Variants in YEATS4 observed in about 807,000 individuals in gnomAD.
The protein encoded by YEATS4 is YEATS domain containing 4.
YEATS4 carries 17 observed loss-of-function variants against 30.1 expected under a neutral mutation model. The observed-to-expected ratio is 0.56, with a 90% CI of 0.39 to 0.85. The LOEUF (loss-of-function observed/expected upper bound fraction) is 0.85. YEATS4 is among the 40% of genes least tolerant of loss of function. The pLI, the probability that YEATS4 is intolerant of heterozygous loss-of-function variation, is 0.00. For synonymous variants in YEATS4, 85 were observed against 87.5 expected (o/e 0.97, Z 0.16); for missense variants, 142 against 268.3 (o/e 0.53, Z 3.29).
At chr12:69,381,106 TAGGC>T (rs1876057927) in intron 6 of YEATS4, among the ~76,000 whole-genome samples, 1 of 152,158 alleles carries the variant, frequency 6.6e-6, no homozygotes. Flanking sequence ...CGAAATTTAT[TAGGC>T]AGGAATTTCC....
At chr12:69,399,906 A>T in the YEATS4 span, among the ~76,000 whole-genome samples, 21 of 152,228 alleles carry the variant, frequency 1.4e-4, no homozygotes, top group Admixed American at 1.3e-3. Flanking sequence ...CTCCACTTAT[A>T]TGAAACATCC....
chr12:69,419,116 C>T, the YEATS4 span, among the ~76,000 whole-genome samples: 2 of 150,122 alleles, frequency 1.3e-5, no homozygotes, highest in South Asian at 2.1e-4. Flanking sequence ...ATCCAAATGT[C>T]ACCTCCTCTG....
intron 1 of YEATS4, 123 bp from the exon 2 acceptor site, chr12:69,362,665 A>G (rs1023554581): frequency 3.0e-6 from 2 of 668,422 alleles, no homozygotes; most frequent in South Asian, 3.6e-5. Flanking sequence ...AGAGAAATCC[A>G]TATTATAAGC....
the YEATS4 span, among the ~76,000 whole-genome samples, chr12:69,399,226 A>G: frequency 2.6e-5 from 4 of 152,044 alleles, no homozygotes; most frequent in African/African-American, 9.7e-5. Context: ...AAAAAAAACA[A>G]ACCCACGAAA....
Position 69,359,757 on chromosome 12 carries a change from TTCTCCA to T in YEATS4, c.-215_-210del, listed in dbSNP as rs1347601941. 1 of 565,194 alleles carries T rather than the reference TTCTCCA, an allele frequency of 1.8e-6. No individual in the cohort carries two copies. The highest frequency in any genetic ancestry group is 1.9e-5 in the African/African-American group (1 of 51,562). 35.0% of individuals were successfully genotyped at this position (565,194 alleles called of 1,614,324 possible). A position where few individuals can be genotyped will look rare whatever the true frequency, so the allele number is the denominator to read the frequency against. Reference sequence around the variant, plus strand: ...GGCCGTCGCCCCTCTTTTCGCGGCGTTCTCCACCTGCGCGGGCCTGAATGGCCTTCA... The same window carrying T: ...GGCCGTCGCCCCTCTTTTCGCGGCGTCCTGCGCGGGCCTGAATGGCCTTCA... On this transcript the variant is annotated 5_prime_UTR_variant, in exon 1 of 7. Coordinates refer to ENST00000247843, the MANE Select transcript of YEATS4 (RefSeq NM_006530.4).
At chr12:69,402,428 G>A in the YEATS4 span, among the ~76,000 whole-genome samples, 4 of 152,288 alleles carry the variant, frequency 2.6e-5, no homozygotes, top group Middle Eastern at 6.8e-3. Context: ...GAGGTTTGGT[G>A]ACCATAACTA....
chr12:69,370,653 C>T (rs1875602515), intron 4 of YEATS4, 53 bp from the exon 5 acceptor site: 1 of 1,410,836 alleles, frequency 7.1e-7, no homozygotes, highest in African/African-American at 1.5e-5. Context: ...ATGCCAGTAT[C>T]TTATGATGAT....
At chr12:69,387,095 G>T (rs895274712) in intron 6 of YEATS4, among the ~76,000 whole-genome samples, 2 of 151,996 alleles carry the variant, frequency 1.3e-5, no homozygotes, top group African/African-American at 4.8e-5. Context: ...ATGAAACCAT[G>T]GATGAGGGGG....
chr12:69,407,936 G>A, the YEATS4 span, among the ~76,000 whole-genome samples: 3 of 151,934 alleles, frequency 2.0e-5, no homozygotes, highest in African/African-American at 4.8e-5. Flanking sequence ...GGCTGGTCTC[G>A]AACTCCCGAC....
At chr12:69,400,064 C>T in the YEATS4 span, among the ~76,000 whole-genome samples, 2 of 151,992 alleles carry the variant, frequency 1.3e-5, no homozygotes, top group African/African-American at 4.8e-5. Context: ...GATCGTTACA[C>T]AACCTTGTGA....
chr12:69,393,748 G>A (rs560053468), downstream of YEATS4, among the ~76,000 whole-genome samples: 6 of 152,210 alleles, frequency 3.9e-5, no homozygotes, highest in South Asian at 2.1e-4. Context: ...AACAAGATTG[G>A]CTGTTGCTAA....
intron 6 of YEATS4, among the ~76,000 whole-genome samples, chr12:69,386,712 G>A (rs1201454835): frequency 6.6e-6 from 1 of 152,070 alleles, no homozygotes; most frequent in African/African-American, 2.4e-5. Flanking sequence ...AAAGTCTAAA[G>A]ACTGACAGGC....
intron 6 of YEATS4, among the ~76,000 whole-genome samples, chr12:69,378,074 G>A (rs1875935687): frequency 6.6e-6 from 1 of 152,078 alleles, no homozygotes; most frequent in African/African-American, 2.4e-5. Context: ...TTGCTGAATT[G>A]ACTCCTTTAT....
the YEATS4 span, among the ~76,000 whole-genome samples, chr12:69,407,702 C>CTTTTTTTTTTTTTTTTTTTTTTT: frequency 4.8e-5 from 3 of 62,620 alleles, no homozygotes; most frequent in Non-Finnish European, 8.1e-5. Context: ...TACTTTTTGT[C>CTTTTTTTTTTTTTTTTTTTTTTT]TTTTTTTTTT....
chr12:69,363,797 C>T (rs781302410), intron 2 of YEATS4, among the ~76,000 whole-genome samples: 4 of 152,078 alleles, frequency 2.6e-5, no homozygotes, highest in Admixed American at 6.5e-5. Flanking sequence ...AAAGTGGAAA[C>T]AATTCATTTG....
At chr12:69,413,855 A>G in the YEATS4 span, among the ~76,000 whole-genome samples, 2 of 132,006 alleles carry the variant, frequency 1.5e-5, no homozygotes, top group African/African-American at 5.1e-5. Flanking sequence ...TCGTCAAAAA[A>G]AAAAAAAAGA....
At chr12:69,421,342 A>G in the YEATS4 span, among the ~76,000 whole-genome samples, 6 of 152,190 alleles carry the variant, frequency 3.9e-5, no homozygotes, top group Non-Finnish European at 7.4e-5. Flanking sequence ...AAAAGTTATA[A>G]AGGTGTGTCA....
chr12:69,405,980 A>G, the YEATS4 span, among the ~76,000 whole-genome samples: 2 of 152,248 alleles, frequency 1.3e-5, no homozygotes, highest in Non-Finnish European at 2.9e-5. Flanking sequence ...ATACAACTCT[A>G]CATCATTTAA....
chr12:69,405,009 C>CAG, the YEATS4 span, among the ~76,000 whole-genome samples: 1 of 152,068 alleles, frequency 6.6e-6, no homozygotes, highest in Admixed American at 6.6e-5. Flanking sequence ...CAGAAAGAAG[C>CAG]AGAGAGAGAG....
Sources: gnomAD v4.1 joint callset for allele counts (sites outside exome capture counted in the v4.1 genomes callset) on GRCh38, gnomAD v4.1.1 for gene constraint, MANE v1.5 for transcripts, NCBI Gene and HGNC (gene_info 2026-07-23, HGNC 2026-07-21) for gene names.